The following PCDHA7 variants were observed in gnomAD, a reference collection of about 807,000 sequenced individuals.
PCDHA7 encodes the protein protocadherin alpha 7.
Under a neutral mutation model 57.2 loss-of-function variants are expected in PCDHA7, and 37 were observed. The observed-to-expected ratio is 0.65, with a 90% CI of 0.50 to 0.85. The LOEUF (loss-of-function observed/expected upper bound fraction) is 0.85. Ranked by LOEUF, PCDHA7 falls within the 40% of genes least tolerant of loss-of-function variation. PCDHA7 has a pLI of 0.00. For missense variants in PCDHA7, 1,188 were observed against 1,241.8 expected (o/e 0.96, Z 0.65); for synonymous variants, 553 against 558.8 (o/e 0.99, Z 0.15).
intron 1 of PCDHA7, among the ~76,000 whole-genome samples, chr5:140,837,994 C>A (rs1460349736): frequency 2.0e-5 from 3 of 150,494 alleles, no homozygotes. Context: ...TTCATCTTTC[C>A]TTTTTTTTAA....
At chr5:140,955,397 A>T (rs1470827673) in intron 1 of PCDHA7, among the ~76,000 whole-genome samples, 19 of 152,128 alleles carry the variant, frequency 1.2e-4, no homozygotes, top group Admixed American at 1.1e-3. Context: ...CAATTATCCC[A>T]TACAGTTCTC....
chr5:140,941,260 T>TCTTTCTTTCTTC (rs2092990214), intron 1 of PCDHA7, among the ~76,000 whole-genome samples: 2 of 138,280 alleles, frequency 1.4e-5, no homozygotes, highest in Admixed American at 1.5e-4. Flanking sequence ...TCTTTCTCTT[T>TCTTTCTTTCTTC]CTTTCTTTCT....
At chr5:140,906,521 C>T (rs529787398) in intron 1 of PCDHA7, among the ~76,000 whole-genome samples, 4 of 152,330 alleles carry the variant, frequency 2.6e-5, no homozygotes, top group African/African-American at 9.6e-5. Flanking sequence ...AGGAAATACT[C>T]ACGACAATTA....
chr5:140,882,929 G>A, intron 1 of PCDHA7: 1 of 1,614,160 alleles, frequency 6.2e-7, no homozygotes, highest in Non-Finnish European at 8.5e-7. Context: ...AGGTAAACCC[G>A]AGCTGACTGG....
intron 1 of PCDHA7, among the ~76,000 whole-genome samples, chr5:140,838,064 G>T (rs1775403282): frequency 1.1e-5 from 1 of 88,812 alleles, no homozygotes; most frequent in African/African-American, 5.5e-5. Flanking sequence ...TCCACTTTAA[G>T]TTATATATAT....
At position 140,835,897 on chromosome 5, in the gene PCDHA7, C is replaced by G. The variant is rs2150247732; in HGVS notation, c.1514C>G (p.Ser505Trp). The G allele has an allele frequency of 2.6e-5, 42 of 1,611,960 alleles. No homozygotes were observed. Among genetic ancestry groups the G allele is most frequent in the Middle Eastern group, 4.0e-4 (2 of 4,944 alleles). The change falls in exon 1 of 4, where the codon TCG (serine) becomes TGG (tryptophan). Residue 505 changes from serine to tryptophan, a missense_variant. Ser to Trp is a radical substitution (Grantham distance 177, BLOSUM62 -3). Around this residue, in one of 3 missense-constraint regions of PCDHA7, gnomAD observed 892 missense variants for 788.5 expected, o/e 1.13. Coordinates refer to ENST00000525929, the MANE Select transcript of PCDHA7 (RefSeq NM_018910.3). ...VELRVGERAL[S>W]SYVSVHAESG... is the part of the protein sequence containing the mutation. ...CTGCGGGTGGGCGAGCGCGCGCTGT[C>G]GAGCTACGTGTCAGTGCACGCGGAG...
chr5:140,936,034 A>C (rs1554210820), intron 1 of PCDHA7, among the ~76,000 whole-genome samples: 1 of 151,842 alleles, frequency 6.6e-6, no homozygotes, highest in East Asian at 1.9e-4. Context: ...CGGGGATTAC[A>C]GGCACCCACC....
chr5:140,834,675 C>A lies in PCDHA7; in HGVS notation c.292C>A (p.Arg98=), dbSNP rs1554134420. The change falls in exon 1 of 4, where the codon CGG becomes AGG. Residue 98 remains arginine, a synonymous_variant. Transcript: ENST00000525929. ...SRIDREELCG[R]SAECSIHLEV... ...GATCGACCGCGAGGAGCTGTGCGGG[C>A]GGAGCGCGGAGTGCAGCATCCACCT... is the stretch of plus-strand genomic sequence containing the variant. The A allele has an allele frequency of 1.9e-6, 3 of 1,614,206 alleles. No homozygotes were observed. In the African/African-American group the frequency reaches 4.0e-5, roughly 22 times the overall value.
At chr5:140,857,127 A>C in intron 1 of PCDHA7, 1 of 1,598,180 alleles carries the variant, frequency 6.3e-7, no homozygotes, top group Non-Finnish European at 8.6e-7. Flanking sequence ...CCAGTGAAAG[A>C]AGATGCTCAA....
intron 1 of PCDHA7, among the ~76,000 whole-genome samples, chr5:140,977,783 T>TATATGA (rs1488853966): frequency 1.3e-5 from 2 of 152,252 alleles, no homozygotes; most frequent in African/African-American, 4.8e-5. Context: ...TTAAAGGAAC[T>TATATGA]ATATGAATGA....
chr5:140,868,090 T>C (rs2050270367), intron 1 of PCDHA7: 2 of 152,144 alleles, frequency 1.3e-5, no homozygotes, highest in Non-Finnish European at 2.9e-5. Flanking sequence ...TTTTATAAAA[T>C]GATAATAAAA....
chr5:140,904,365 A>G (rs1036617665), intron 1 of PCDHA7, among the ~76,000 whole-genome samples: 2 of 151,790 alleles, frequency 1.3e-5, no homozygotes, highest in African/African-American at 4.8e-5. Context: ...CCATTATTTC[A>G]TTCCTTTTTA....
intron 1 of PCDHA7, among the ~76,000 whole-genome samples, chr5:140,896,874 A>G (rs1009285499): frequency 1.3e-5 from 2 of 152,102 alleles, no homozygotes; most frequent in Non-Finnish European, 2.9e-5. Flanking sequence ...GTACATATTT[A>G]TGGGGTATAT....
intron 1 of PCDHA7, chr5:140,856,046 A>G (rs781911942): frequency 1.3e-6 from 2 of 1,582,372 alleles, no homozygotes; most frequent in East Asian, 2.2e-5. Flanking sequence ...AGAGAAGGAT[A>G]AGATGGTTTC....
chr5:140,927,635 A>G (rs782672031), intron 1 of PCDHA7: 17 of 1,614,038 alleles, frequency 1.1e-5, no homozygotes, highest in East Asian at 4.5e-5. Context: ...ACTGCACCCA[A>G]TGGGACTGTG....
intron 3 of PCDHA7, among the ~76,000 whole-genome samples, chr5:140,992,857 C>G (rs1234991129): frequency 6.6e-6 from 1 of 152,148 alleles, no homozygotes; most frequent in African/African-American, 2.4e-5. Context: ...ACCAGTTTCA[C>G]TCTAGCTCCC....
chr5:140,946,142 CAAAT>C (rs1214309556), intron 1 of PCDHA7, among the ~76,000 whole-genome samples: 1 of 151,910 alleles, frequency 6.6e-6, no homozygotes, highest in Non-Finnish European at 1.5e-5. Context: ...AGTAAGAAAA[CAAAT>C]AACACGATTT....
chr5:140,876,553 G>A, intron 1 of PCDHA7: 2 of 1,614,216 alleles, frequency 1.2e-6, no homozygotes, highest in African/African-American at 2.7e-5. Context: ...CCCTGTGCAA[G>A]AGGATGCTCA....
intron 3 of PCDHA7, among the ~76,000 whole-genome samples, chr5:140,986,316 C>T (rs1407067646): frequency 2.0e-5 from 3 of 152,146 alleles, no homozygotes; most frequent in African/African-American, 7.2e-5. Context: ...TTAGCTAAAT[C>T]AGGAATGCAG....
Sources: allele counts gnomAD v4.1 joint callset (sites outside exome capture counted in the v4.1 genomes callset), GRCh38; gene constraint gnomAD v4.1.1; regional missense constraint gnomAD v4.1.1; transcripts MANE v1.5; gene names NCBI Gene and HGNC (gene_info 2026-07-23, HGNC 2026-07-21).